PDE12: variants seen among roughly 807,000 people sequenced by gnomAD.
The protein encoded by PDE12 is phosphodiesterase 12.
Under a neutral mutation model 45.4 loss-of-function variants are expected in PDE12, and 26 were observed. The ratio of observed to expected loss-of-function variants is 0.57; its 90% CI spans 0.42 to 0.79. The LOEUF (loss-of-function observed/expected upper bound fraction) is 0.79. Among genes scored for constraint, PDE12 ranks in the 30% least tolerant of loss-of-function variants. The pLI, the probability that PDE12 is intolerant of heterozygous loss-of-function variation, is 0.00. For missense variants in PDE12, 668 were observed against 790.0 expected, an observed-to-expected ratio of 0.85 and a Z score of 1.85; for synonymous variants, 283 against 323.9, an observed-to-expected ratio of 0.87 and a Z score of 1.36.
chr3:57,635,678 G>C, the PDE12 span, among the ~76,000 whole-genome samples: 1 of 152,136 alleles, frequency 6.6e-6, no homozygotes, highest in South Asian at 2.1e-4. Context: ...GAGATTTTAA[G>C]AACAAGGAAC....
At chr3:57,589,633 G>A in the PDE12 span, among the ~76,000 whole-genome samples, 8 of 151,366 alleles carry the variant, frequency 5.3e-5, 1 homozygote, top group South Asian at 2.1e-4. Flanking sequence ...CAGGAGAATC[G>A]CTTGAACCCG....
chr3:57,655,786 C>G, the PDE12 span, among the ~76,000 whole-genome samples: 3 of 152,188 alleles, frequency 2.0e-5, no homozygotes, highest in South Asian at 6.2e-4. Context: ...CTGATTCTGA[C>G]CATTTCAGAT....
the PDE12 span, chr3:57,628,895 A>AT: frequency 6.2e-7 from 1 of 1,608,484 alleles, no homozygotes; most frequent in South Asian, 1.1e-5. Flanking sequence ...CCTAGAATAA[A>AT]TAAAGTCCCA....
chr3:57,572,294 T>C, the PDE12 span: 1 of 1,612,192 alleles, frequency 6.2e-7, no homozygotes, highest in Non-Finnish European at 8.5e-7. Flanking sequence ...GGCTTGAACA[T>C]ACCACTGTAA....
the PDE12 span, among the ~76,000 whole-genome samples, chr3:57,648,036 T>G: frequency 2.0e-5 from 3 of 151,872 alleles, no homozygotes; most frequent in African/African-American, 4.8e-5. Flanking sequence ...GAGAAAGAAA[T>G]AAAGAGCATG....
the PDE12 span, among the ~76,000 whole-genome samples, chr3:57,578,473 TAGAGATACAAA>T: frequency 6.6e-6 from 1 of 151,090 alleles, no homozygotes; most frequent in Non-Finnish European, 1.5e-5. Context: ...TATCAATTCT[TAGAGATACAAA>T]TATTAGCTTC....
At chr3:57,593,947 A>G in the PDE12 span, among the ~76,000 whole-genome samples, 1 of 152,190 alleles carries the variant, frequency 6.6e-6, no homozygotes, top group East Asian at 1.9e-4. Context: ...ATAATTATTT[A>G]AAAAATATAT....
chr3:57,569,510 G>T (rs897919006), downstream of PDE12, among the ~76,000 whole-genome samples: 6 of 152,048 alleles, frequency 3.9e-5, no homozygotes, highest in African/African-American at 1.4e-4. Context: ...GCACCACCAT[G>T]CATGGCTAGT....
the PDE12 span, among the ~76,000 whole-genome samples, chr3:57,647,175 AAAAAG>A: frequency 6.6e-6 from 1 of 152,340 alleles, no homozygotes; most frequent in African/African-American, 2.4e-5. Flanking sequence ...CATGCAAATA[AAAAAG>A]AAAAGAAAAA....
In PDE12 at chr3:57,563,790, C is replaced by T. The variant is rs1293967222; in HGVS notation, c.*3786C>T. On this transcript the variant is annotated 3_prime_UTR_variant, in exon 3 of 3. Coordinates refer to ENST00000311180, the MANE Select transcript of PDE12 (RefSeq NM_177966.7). ...TCCCAGCTGCTCAGGAGGCTGAGGC[C>T]AGAGGATCACTTGAGCCCATGAGGT... The T allele has an allele frequency of 6.6e-6, 1 of 152,052 alleles. No homozygotes were observed. Among genetic ancestry groups the T allele is most frequent in the African/African-American group, 2.4e-5 (1 of 41,366 alleles). 9.4% of individuals were successfully genotyped at this position (152,052 alleles called of 1,614,324 possible).
chr3:57,643,006 C>CA, the PDE12 span, among the ~76,000 whole-genome samples: 50,275 of 104,200 alleles, frequency 0.48, 10,145 homozygotes, highest in South Asian at 0.6. Context: ...GACTTCATCT[C>CA]AAAAAAAAAA....
the PDE12 span, among the ~76,000 whole-genome samples, chr3:57,613,726 C>T: frequency 1.3e-5 from 2 of 151,406 alleles, no homozygotes; most frequent in Non-Finnish European, 1.5e-5. Flanking sequence ...CGGTGAAACC[C>T]CGTCTCTACT....
At chr3:57,582,400 G>A in the PDE12 span, among the ~76,000 whole-genome samples, 3 of 150,234 alleles carry the variant, frequency 2.0e-5, no homozygotes, top group African/African-American at 7.3e-5. Flanking sequence ...GCGCCACCAC[G>A]CCCGGCTAAT....
chr3:57,567,925 G>A (rs886679548), downstream of PDE12, among the ~76,000 whole-genome samples: 3 of 151,662 alleles, frequency 2.0e-5, no homozygotes, highest in Non-Finnish European at 4.4e-5. Context: ...AAAATTAGCC[G>A]GACATGGTGG....
downstream of PDE12, among the ~76,000 whole-genome samples, chr3:57,568,599 T>A (rs1484340419): frequency 2.7e-5 from 4 of 150,940 alleles, no homozygotes; most frequent in South Asian, 2.1e-4. Flanking sequence ...TTTTTTTTTT[T>A]AATAGAGATG....
the PDE12 span, chr3:57,597,929 C>T: frequency 6.6e-6 from 1 of 152,220 alleles, no homozygotes. Flanking sequence ...GAAACTGTGG[C>T]ACCCTAATGA....
At chr3:57,648,749 A>G in the PDE12 span, among the ~76,000 whole-genome samples, 5 of 152,188 alleles carry the variant, frequency 3.3e-5, no homozygotes, top group Non-Finnish European at 5.9e-5. Flanking sequence ...CAAAGCAAAC[A>G]AAAACATAAA....
chr3:57,642,686 C>T, the PDE12 span, among the ~76,000 whole-genome samples: 4 of 151,810 alleles, frequency 2.6e-5, no homozygotes, highest in Admixed American at 2.0e-4. Context: ...GGAGGAATGC[C>T]GCATGAAAGA....
the PDE12 span, among the ~76,000 whole-genome samples, chr3:57,587,273 C>T: frequency 7.1e-6 from 1 of 141,552 alleles, no homozygotes; most frequent in African/African-American, 2.6e-5. Flanking sequence ...GAGCCGAGAT[C>T]GTGCCATTGC....
Sources: gnomAD v4.1 joint callset for allele counts (sites outside exome capture counted in the v4.1 genomes callset) on GRCh38, gnomAD v4.1.1 for gene constraint, MANE v1.5 for transcripts, NCBI Gene and HGNC (gene_info 2026-07-23, HGNC 2026-07-21) for gene names.